The following ELF5 variants were observed in gnomAD, a reference collection of about 807,000 sequenced individuals.
ELF5 encodes the protein ETS-related transcription factor Elf-5.
In ELF5, 31 loss-of-function variants were observed where a neutral mutation model predicts 38.2. The observed-to-expected ratio is 0.81, with a 90% CI of 0.61 to 1.10. ELF5 has a LOEUF of 1.10. ELF5 is among the 50% of genes least tolerant of loss of function. The pLI, the probability that ELF5 is intolerant of heterozygous loss-of-function variation, is 0.00. For synonymous variants in ELF5, 121 were observed against 112.5 expected (o/e 1.08, Z -0.48); for missense variants, 300 against 306.6 (o/e 0.98, Z 0.16).
At chr11:34,505,216 A>C (rs893374086) in intron 2 of ELF5, among the ~76,000 whole-genome samples, 3 of 152,164 alleles carry the variant, frequency 2.0e-5, no homozygotes, top group Non-Finnish European at 2.9e-5. Context: ...GCTTGGCACA[A>C]GGTTTGGTAC....
Position 34,505,904 on chromosome 11 carries a change from C to T in ELF5, c.-4-151G>A, listed in dbSNP as rs930513170. The stretch of plus-strand genomic sequence containing the variant: ...AGCAGGCACCGCCTAGTGTCACCTA[C>T]GAGTGACATTATTCCACCCTTGCCA... On this transcript the variant is annotated intron_variant, in intron 1 of 6. Coordinates refer to ENST00000257832, the MANE Select transcript of ELF5 (RefSeq NM_001422.4). 2.4e-5 allele frequency: 22 copies of T among 926,350 alleles called. No individual in the cohort carries two copies. The East Asian group carries it at 3.0e-4, about 13-fold the overall frequency. 57.4% of individuals were successfully genotyped at this position (926,350 alleles called of 1,614,324 possible).
At chr11:34,505,185 C>T (rs1850581705) in intron 2 of ELF5, among the ~76,000 whole-genome samples, 2 of 152,094 alleles carry the variant, frequency 1.3e-5, no homozygotes, top group South Asian at 2.1e-4. Flanking sequence ...TCTCATAGGG[C>T]TTTGGCAAGG....
intron 4 of ELF5, among the ~76,000 whole-genome samples, chr11:34,485,591 G>C (rs1315238531): frequency 6.6e-6 from 1 of 152,220 alleles, no homozygotes; most frequent in Admixed American, 6.5e-5. Flanking sequence ...GATCTGGCTT[G>C]GTAGGAGGAA....
At chr11:34,487,872 G>T (rs796869214) in intron 4 of ELF5, among the ~76,000 whole-genome samples, 1 of 152,140 alleles carries the variant, frequency 6.6e-6, no homozygotes, top group African/African-American at 2.4e-5. Flanking sequence ...AACTGGCCCC[G>T]TGTGGCTAGT....
At chr11:34,485,700 C>A (rs1280837215) in intron 4 of ELF5, among the ~76,000 whole-genome samples, 1 of 152,156 alleles carries the variant, frequency 6.6e-6, no homozygotes, top group Non-Finnish European at 1.5e-5. Flanking sequence ...CCTAGTTCTG[C>A]AGTGATGGCT....
At chr11:34,496,728 A>G (rs1488920684) in intron 2 of ELF5, among the ~76,000 whole-genome samples, 1 of 152,144 alleles carries the variant, frequency 6.6e-6, no homozygotes, top group African/African-American at 2.4e-5. Context: ...CTAGCCCACC[A>G]CAGGCCTACC....
chr11:34,505,560 C>T lies in ELF5; in HGVS notation c.121+69G>A, dbSNP rs974910956. ...CCAGCACAGCTTTGTCTTCCACCTG[C>T]GGCCAGCACCACCTCCTGCCCTAGC... On this transcript the variant is annotated intron_variant, in intron 2 of 6. Coordinates refer to ENST00000257832, the MANE Select transcript of ELF5 (RefSeq NM_001422.4). The T allele has an allele frequency of 3.8e-5, 61 of 1,598,108 alleles. No individual in the cohort carries two copies. The African/African-American group carries it at 4.2e-4, about 11-fold the overall frequency.
intron 2 of ELF5, 60 bp from the exon 3 acceptor site, chr11:34,493,772 C>T: frequency 6.9e-7 from 1 of 1,455,376 alleles, no homozygotes; most frequent in Non-Finnish European, 9.5e-7. Context: ...CGAGAGGGCC[C>T]CTGAAGGATG....
rs1187368108 is a variant in ELF5, at chr11:34,493,527, G to A, written c.307C>T (p.Leu103Phe). 6.2e-7 allele frequency: 1 copy of A among 1,614,230 alleles called. No homozygotes were observed. Among genetic ancestry groups the A allele is most frequent in the Non-Finnish European group, 8.5e-7 (1 of 1,180,052 alleles). ...TQEEFVEAAGLCGEYLYFILQ... is the reference protein window; with the variant it reads ...TQEEFVEAAGFCGEYLYFILQ... ...ATGAAGTACAGGTACTCGCCGCAGA[G>A]GCCAGCTGCCTCGACGAACTCCTCC... Residue 103 changes from leucine to phenylalanine, a missense_variant, in exon 3 of 7, where the codon CTC (leucine) becomes TTC (phenylalanine). Transcript: ENST00000257832.
chr11:34,504,498 G>A (rs1850555570), intron 2 of ELF5, among the ~76,000 whole-genome samples: 1 of 152,200 alleles, frequency 6.6e-6, no homozygotes, highest in African/African-American at 2.4e-5. Flanking sequence ...GTCTGTGAGT[G>A]TGGCCTGGTC....
At chr11:34,504,509 C>T (rs2133898952) in intron 2 of ELF5, among the ~76,000 whole-genome samples, 1 of 152,242 alleles carries the variant, frequency 6.6e-6, no homozygotes, top group African/African-American at 2.4e-5. Flanking sequence ...TGGCCTGGTC[C>T]CTGGCCCCAG....
intron 1 of ELF5, among the ~76,000 whole-genome samples, chr11:34,509,948 C>A (rs1850712026): frequency 2.0e-5 from 3 of 152,156 alleles, no homozygotes; most frequent in Admixed American, 2.0e-4. Context: ...GGAATGAGAT[C>A]TTCCTCATCT....
rs546712538 is a variant in ELF5 at position 34,480,223 on chromosome 11, G to A, written c.763C>T (p.Leu255=). The A allele has an allele frequency of 6.2e-7, 1 of 1,613,682 alleles. No individual in the cohort carries two copies. Among genetic ancestry groups the A allele is most frequent in the East Asian group, 2.2e-5 (1 of 44,876 alleles). ...KNAHGWQEDK[L] ...AGCTTGATGCCTGGAGCAGATCATA[G>A]CTTGTCTTCCTGCCACCCGTGTGCA... Residue 255 remains leucine, a synonymous_variant, in exon 7 of 7, where the codon CTA becomes TTA. Transcript: ENST00000257832.
chr11:34,490,987 G>A (rs757635767), intron 3 of ELF5, among the ~76,000 whole-genome samples: 2 of 152,114 alleles, frequency 1.3e-5, no homozygotes, highest in African/African-American at 2.4e-5. Context: ...CAGGTTGCTA[G>A]GCCCTTAAAT....
intron 3 of ELF5, 58 bp from the exon 4 acceptor site, chr11:34,490,117 A>T: frequency 1.3e-6 from 2 of 1,579,940 alleles, no homozygotes; most frequent in Non-Finnish European, 1.7e-6. Flanking sequence ...TCCACTGGCC[A>T]GGCCAGGAGA....
rs139323050 is a variant in ELF5, at chr11:34,482,470, C to T, written c.436G>A (p.Gly146Ser). The change falls in exon 5 of 7, where the codon GGC (glycine) becomes AGC (serine). Residue 146 changes from glycine (G) to serine (S), a missense_variant. Coordinates refer to ENST00000257832, the MANE Select transcript of ELF5 (RefSeq NM_001422.4). The stretch of plus-strand genomic sequence containing the variant: ...CTGTGACAGTCTTGACTTTTGATGC[C>T]ACTTGTTTTCAAGCAGTTGGAATCA... ...YADSNCLKTS[G>S]IKSQDCHSHS... 1.9e-6 allele frequency: 3 copies of T among 1,612,920 alleles called. No homozygotes were observed. The highest frequency in any genetic ancestry group is 2.5e-6 in the Non-Finnish European group (3 of 1,179,738).
At chr11:34,510,647 C>T (rs550471246) in intron 1 of ELF5, among the ~76,000 whole-genome samples, 1 of 152,206 alleles carries the variant, frequency 6.6e-6, no homozygotes, top group East Asian at 1.9e-4. Flanking sequence ...GGTGATATTG[C>T]CCCCCTCTTT....
intron 3 of ELF5, chr11:34,493,269 C>A: frequency 1.6e-6 from 1 of 606,462 alleles, no homozygotes. Context: ...TTTTTAAATG[C>A]ACTCAATTTG....
chr11:34,498,944 T>G (rs1399092891), intron 2 of ELF5, among the ~76,000 whole-genome samples: 3 of 151,756 alleles, frequency 2.0e-5, no homozygotes, highest in African/African-American at 7.3e-5. Context: ...ATACAAAAAT[T>G]AGCGGGCGTG....
Sources: allele counts gnomAD v4.1 joint callset (sites outside exome capture counted in the v4.1 genomes callset), GRCh38; gene constraint gnomAD v4.1.1; transcripts MANE v1.5; gene names NCBI Gene and HGNC (gene_info 2026-07-23, HGNC 2026-07-21).